STK39: variants seen among roughly 807,000 people sequenced by gnomAD.
STK39 encodes the protein serine/threonine kinase 39, also known as STE20/SPS1-related proline-alanine-rich protein kinase.
In STK39, 20 loss-of-function variants were observed where a neutral mutation model predicts 77.8. The observed-to-expected ratio is 0.26, with a 90% CI of 0.18 to 0.37. The LOEUF (loss-of-function observed/expected upper bound fraction) is 0.37. Ranked by LOEUF, STK39 falls within the 10% of genes least tolerant of loss-of-function variation. STK39 has a pLI of 1.00. For missense variants in STK39, 479 were observed against 656.5 expected, an observed-to-expected ratio of 0.73 and a Z score of 2.95; for synonymous variants, 246 against 234.1, an observed-to-expected ratio of 1.05 and a Z score of -0.47.
At chr2:168,065,230 T>A in intron 13 of STK39, 89 bp downstream of exon 13, 1 of 1,431,838 alleles carries the variant, frequency 7.0e-7, no homozygotes, top group Non-Finnish European at 9.8e-7. Context: ...AGGCACTACC[T>A]TGAAATTGTC....
At chr2:168,040,650 T>C (rs1685079446) in intron 14 of STK39, among the ~76,000 whole-genome samples, 2 of 152,210 alleles carry the variant, frequency 1.3e-5, no homozygotes, top group Non-Finnish European at 2.9e-5. Flanking sequence ...AATATAGACT[T>C]TAATTAATAA....
intron 2 of STK39, among the ~76,000 whole-genome samples, chr2:168,180,604 A>G (rs977127341): frequency 1.3e-5 from 2 of 151,976 alleles, no homozygotes; most frequent in Non-Finnish European, 2.9e-5. Flanking sequence ...GCAGGACCCA[A>G]CTCTCCCCAC....
chr2:167,985,123 A>G (rs1231636635), intron 16 of STK39, among the ~76,000 whole-genome samples: 1 of 152,200 alleles, frequency 6.6e-6, no homozygotes, highest in Non-Finnish European at 1.5e-5. Context: ...TTTTCTCTAG[A>G]TGATTCATTA....
chr2:168,127,224 C>A (rs897597599), intron 10 of STK39, among the ~76,000 whole-genome samples: 1 of 152,180 alleles, frequency 6.6e-6, no homozygotes, highest in Non-Finnish European at 1.5e-5. Flanking sequence ...AATCTCGGCT[C>A]ACTGCAACCT....
chr2:168,196,087 GA>G (rs1287540282), intron 1 of STK39, among the ~76,000 whole-genome samples: 4 of 152,206 alleles, frequency 2.6e-5, no homozygotes. Flanking sequence ...AAACACATAT[GA>G]TCTACTGATT....
At chr2:168,198,225 A>G (rs1165422118) in intron 1 of STK39, among the ~76,000 whole-genome samples, 1 of 152,162 alleles carries the variant, frequency 6.6e-6, no homozygotes, top group Non-Finnish European at 1.5e-5. Flanking sequence ...CAATTCTGCT[A>G]TTGTCACTGA....
intron 2 of STK39, among the ~76,000 whole-genome samples, chr2:168,172,023 T>C (rs1345482535): frequency 6.6e-6 from 1 of 152,182 alleles, no homozygotes; most frequent in African/African-American, 2.4e-5. Flanking sequence ...CTGGCTTGAT[T>C]ACCTAGGCGG....
chr2:168,168,789 A>AAGACC (rs1688751227), intron 2 of STK39, among the ~76,000 whole-genome samples: 1 of 152,184 alleles, frequency 6.6e-6, no homozygotes, highest in Non-Finnish European at 1.5e-5. Context: ...TCAGGAGTTC[A>AAGACC]AGACCAGCCC....
chr2:168,024,536 C>T (rs1199900294), intron 14 of STK39, among the ~76,000 whole-genome samples: 3 of 152,164 alleles, frequency 2.0e-5, no homozygotes, highest in Non-Finnish European at 4.4e-5. Context: ...CTTTTGCTCT[C>T]TCTCACCCTC....
chr2:168,020,685 A>G (rs1371304202), intron 14 of STK39, among the ~76,000 whole-genome samples: 1 of 151,164 alleles, frequency 6.6e-6, no homozygotes, highest in Non-Finnish European at 1.5e-5. Flanking sequence ...TATATCATAT[A>G]TAATCTCATT....
intron 1 of STK39, among the ~76,000 whole-genome samples, chr2:168,216,201 T>C (rs1403546752): frequency 6.6e-6 from 1 of 151,750 alleles, no homozygotes; most frequent in Non-Finnish European, 1.5e-5. Context: ...ATGGGAGAAA[T>C]GGGCAAGGTG....
intron 2 of STK39, among the ~76,000 whole-genome samples, chr2:168,172,036 T>A (rs1304297796): frequency 6.6e-6 from 1 of 152,194 alleles, no homozygotes; most frequent in Non-Finnish European, 1.5e-5. Context: ...CTAGGCGGGT[T>A]ATCCAACAAC....
chr2:168,095,836 G>A (rs1366366070), intron 10 of STK39, among the ~76,000 whole-genome samples: 1 of 151,828 alleles, frequency 6.6e-6, no homozygotes, highest in African/African-American at 2.4e-5. Context: ...ATACATAAAT[G>A]TCTACCAAGA....
At position 168,032,117 on chromosome 2, in the gene STK39, T is replaced by C. The variant is rs561107328; in HGVS notation, c.1377-15022A>G. On this transcript the variant is annotated intron_variant, in intron 14 of 17. Coordinates refer to ENST00000355999, the MANE Select transcript of STK39 (RefSeq NM_013233.3). ...AACCCTTGTGCTTATTCATGAAATA[T>C]AGTCTTCAATGGTGCAATGTCAACT... Among the ~76,000 whole-genome samples the C allele has an allele frequency of 5.3e-5, 8 of 152,352 alleles. No individual in the cohort carries two copies. In the South Asian group the frequency reaches 8.3e-4, roughly 16 times the overall value.
chr2:168,111,647 G>A (rs1190001506), intron 10 of STK39, among the ~76,000 whole-genome samples: 3 of 152,110 alleles, frequency 2.0e-5, no homozygotes, highest in South Asian at 4.1e-4. Context: ...TATACAGCGA[G>A]GGGAAAAATA....
At chr2:168,209,996 C>CAAA (rs71003026) in intron 1 of STK39, among the ~76,000 whole-genome samples, 20 of 55,672 alleles carry the variant, frequency 3.6e-4, no homozygotes, top group East Asian at 1.5e-3. Flanking sequence ...GACTCTATCT[C>CAAA]AAAAAAAAAA....
intron 1 of STK39, among the ~76,000 whole-genome samples, chr2:168,230,203 CT>C (rs1384779674): frequency 6.6e-6 from 1 of 152,180 alleles, no homozygotes; most frequent in Non-Finnish European, 1.5e-5. Flanking sequence ...TTTACCACTC[CT>C]CCCAAAAAGT....
At chr2:167,980,520 T>C (rs1179902155) in intron 16 of STK39, among the ~76,000 whole-genome samples, 2 of 152,188 alleles carry the variant, frequency 1.3e-5, no homozygotes, top group Non-Finnish European at 2.9e-5. Flanking sequence ...ATATGAGGAA[T>C]GCTACCTAAA....
chr2:167,959,416 C>T (rs1450618728), intron 17 of STK39, among the ~76,000 whole-genome samples: 1 of 151,946 alleles, frequency 6.6e-6, no homozygotes, highest in African/African-American at 2.4e-5. Context: ...TGAGCCACCG[C>T]GCCCGGCCAT....
Sources: gnomAD v4.1 joint callset for allele counts (sites outside exome capture counted in the v4.1 genomes callset) on GRCh38, gnomAD v4.1.1 for gene constraint, MANE v1.5 for transcripts, NCBI Gene and HGNC (gene_info 2026-07-23, HGNC 2026-07-21) for gene names.